The following ANKRD11 variants were observed in gnomAD, a reference collection of about 807,000 sequenced individuals.
ANKRD11 encodes ankyrin repeat domain-containing protein 11.
Under a neutral mutation model 195.7 loss-of-function variants are expected in ANKRD11, and 17 were observed. The ratio of observed to expected loss-of-function variants is 0.09; its 90% confidence interval spans 0.06 to 0.13. ANKRD11 has a LOEUF of 0.13. ANKRD11 is among the 10% of genes least tolerant of loss of function. The pLI, the probability that ANKRD11 is intolerant of heterozygous loss-of-function variation, is 1.00. For missense variants in ANKRD11, 3,735 were observed against 3,566.1 expected (o/e 1.05, Z -1.21); for synonymous variants, 1,953 against 1,528.1 (o/e 1.28, Z -6.49).
At chr16:89,490,013 AC>A (rs2057769188) in intron 1 of ANKRD11, among the ~76,000 whole-genome samples, 1 of 83,332 alleles carries the variant, frequency 1.2e-5, no homozygotes, top group Non-Finnish European at 2.6e-5. Flanking sequence ...GCCCCCAAAG[AC>A]CCCCGGCTGC....
intron 2 of ANKRD11, among the ~76,000 whole-genome samples, chr16:89,397,322 C>T (rs1014599397): frequency 2.0e-5 from 3 of 152,234 alleles, no homozygotes; most frequent in African/African-American, 7.2e-5. Context: ...AGTCCAACTC[C>T]ACGGATTCCA....
intron 2 of ANKRD11, among the ~76,000 whole-genome samples, chr16:89,415,852 A>AAAAAAAAAAAAAAAAAAAAAAAG (rs1346811521): frequency 6.8e-6 from 1 of 147,366 alleles, no homozygotes; most frequent in African/African-American, 2.5e-5. Flanking sequence ...AAAAAAAAAC[A>AAAAAAAAAAAAAAAAAAAAAAAG]ATGGAGAACC....
intron 12 of ANKRD11, among the ~76,000 whole-genome samples, chr16:89,269,212 G>C (rs75517644): frequency 0.014 from 2,188 of 152,258 alleles, 47 homozygotes; most frequent in African/African-American, 0.051. Flanking sequence ...CTGGAGTGCA[G>C]TGGTGCAATC....
At chr16:89,323,169 T>G (rs2037443019) in intron 2 of ANKRD11, 4 of 456,972 alleles carry the variant, frequency 8.8e-6, no homozygotes, top group Non-Finnish European at 7.6e-6. Flanking sequence ...GCGTCAGGAG[T>G]GGTGCCTTGT....
intron 2 of ANKRD11, among the ~76,000 whole-genome samples, chr16:89,382,361 T>C (rs1333111297): frequency 1.3e-5 from 2 of 152,126 alleles, no homozygotes; most frequent in African/African-American, 4.8e-5. Context: ...AGTCTCGTTC[T>C]GTCACCCAGG....
In ANKRD11 at chr16:89,291,944, G is replaced by A. The variant is rs977203350; in HGVS notation, c.227-761C>T. On this transcript the variant is annotated intron_variant, in intron 4 of 12. Transcript: ENST00000301030. The surrounding 1 kb of genome is among the most constrained non-coding windows in gnomAD (Gnocchi z 5.3). Reference sequence around the variant, plus strand: ...GCTGTGTCTTTTAAAAGAGGCAGGAGGCAGGGGCGGGGAAGAGAAGACCCC... The same window carrying A: ...GCTGTGTCTTTTAAAAGAGGCAGGAAGCAGGGGCGGGGAAGAGAAGACCCC... 8 of 419,638 alleles carry A rather than the reference G, an allele frequency of 1.9e-5. No homozygotes were observed. The highest frequency in any genetic ancestry group is 1.2e-4 in the African/African-American group (6 of 49,190). The allele number at this position is 419,638 out of a possible 1,614,324, so 26.0% of individuals were successfully genotyped here. A position where few individuals can be genotyped will look rare whatever the true frequency, so the allele number is the denominator to read the frequency against.
chr16:89,447,596 C>T lies in ANKRD11; in HGVS notation c.-144-29228G>A, dbSNP rs193190392. On this transcript the variant is annotated intron_variant, in intron 1 of 12. Transcript: ENST00000301030. ...TACAACAATGCTCCACTCTTGGCCT[C>T]GTACCCTAAGTGTCCACATTCCACC... Among the ~76,000 whole-genome samples, 6 of 152,208 alleles carry T rather than the reference C, an allele frequency of 3.9e-5. No individual in the cohort carries two copies. In the East Asian group the frequency reaches 9.7e-4, roughly 25 times the overall value.
chr16:89,294,691 C>T (rs369374799), intron 4 of ANKRD11, among the ~76,000 whole-genome samples: 21 of 152,200 alleles, frequency 1.4e-4, no homozygotes, highest in African/African-American at 4.8e-4. Context: ...AGCAGCTGAG[C>T]GGGTCCTTGA....
At chr16:89,355,316 C>CA (rs2039421262) in intron 2 of ANKRD11, among the ~76,000 whole-genome samples, 1 of 152,156 alleles carries the variant, frequency 6.6e-6, no homozygotes, top group Admixed American at 6.5e-5. Context: ...ACGGCTCACA[C>CA]AGACCCACAA....
chr16:89,286,971 A>ATGT, intron 7 of ANKRD11: 1 of 1,289,770 alleles, frequency 7.8e-7, no homozygotes, highest in Non-Finnish European at 1.0e-6. Flanking sequence ...CGTGTGTGAC[A>ATGT]TGTTCTATTG....
At chr16:89,323,289 C>T (rs1353096675) in intron 2 of ANKRD11, 2 of 1,288,732 alleles carry the variant, frequency 1.6e-6, no homozygotes, top group Non-Finnish European at 2.0e-6. Flanking sequence ...GTGCAAAGCC[C>T]TTGAGTGACA....
chr16:89,410,458 C>T (rs981838051), intron 2 of ANKRD11, among the ~76,000 whole-genome samples: 1 of 152,158 alleles, frequency 6.6e-6, no homozygotes, highest in Admixed American at 6.5e-5. Context: ...AGCCCTCAGA[C>T]CAGACTAAGA....
At chr16:89,305,844 G>GCGC (rs2036182423) in intron 3 of ANKRD11, among the ~76,000 whole-genome samples, 1 of 113,536 alleles carries the variant, frequency 8.8e-6, no homozygotes, top group Admixed American at 8.8e-5. Context: ...CCGCAGACAC[G>GCGC]CACCACCTCC....
chr16:89,347,654 A>G (rs949356672), intron 2 of ANKRD11, among the ~76,000 whole-genome samples: 3 of 151,310 alleles, frequency 2.0e-5, no homozygotes, highest in African/African-American at 7.3e-5. Flanking sequence ...TGAAAATGTG[A>G]CTATTTTACA....
In ANKRD11 at chr16:89,375,768, TAA is replaced by T. The variant is rs36033030; in HGVS notation, c.-60+42514_-60+42515del. On this transcript the variant is annotated intron_variant, in intron 2 of 12. Coordinates refer to ENST00000301030, the MANE Select transcript of ANKRD11 (RefSeq NM_013275.6). ...ACTGCACCCAGCCGACTCCGTCTCT[TAA>T]AAAAAAAAAAAAAAAAAAAGCCTCT... Among the ~76,000 whole-genome samples, 636 of 84,550 alleles carry T rather than the reference TAA, an allele frequency of 7.5e-3. 4 individuals carry two copies. Among genetic ancestry groups the T allele is most frequent in the African/African-American group, 0.013 (298 of 23,122 alleles). 55.5% of individuals were successfully genotyped at this position (84,550 alleles called of 152,430 possible). A position where few individuals can be genotyped will look rare whatever the true frequency, so the allele number is the denominator to read the frequency against.
intron 3 of ANKRD11, 108 bp downstream of exon 3, chr16:89,316,825 G>C: frequency 7.4e-7 from 1 of 1,349,502 alleles, no homozygotes; most frequent in Non-Finnish European, 1.0e-6. Context: ...GAGGCACGAG[G>C]AAAGGGCCGG....
intron 1 of ANKRD11, among the ~76,000 whole-genome samples, chr16:89,469,176 T>C (rs1382559789): frequency 2.0e-5 from 3 of 151,736 alleles, no homozygotes; most frequent in Non-Finnish European, 4.4e-5. Context: ...CGAGGCTCTG[T>C]TTCAAAAAAA....
At chr16:89,318,042 T>C (rs1466848923) in intron 2 of ANKRD11, among the ~76,000 whole-genome samples, 1 of 152,202 alleles carries the variant, frequency 6.6e-6, no homozygotes, top group Admixed American at 6.5e-5. Flanking sequence ...CCCGTCCCTC[T>C]CTTTCTGCAG....
At chr16:89,484,341 A>G (rs1267448538) in intron 1 of ANKRD11, among the ~76,000 whole-genome samples, 1 of 152,120 alleles carries the variant, frequency 6.6e-6, no homozygotes, top group Non-Finnish European at 1.5e-5. Context: ...TACCTTCTCT[A>G]TTTTAGATAA....
Sources: gnomAD v4.1 joint callset for allele counts (sites outside exome capture counted in the v4.1 genomes callset) on GRCh38, gnomAD v4.1.1 for gene constraint, Gnocchi (gnomAD v3.1) non-coding constraint, MANE v1.5 for transcripts, NCBI Gene and HGNC (gene_info 2026-07-23, HGNC 2026-07-21) for gene names.